KCNMA1: variants seen among roughly 807,000 people sequenced by gnomAD.
The protein encoded by KCNMA1 is potassium calcium-activated channel subfamily M alpha 1.
KCNMA1 carries 29 observed loss-of-function variants against 140.0 expected under a neutral mutation model. That is an observed-to-expected ratio of 0.21 (90% CI 0.15 to 0.28). The LOEUF is 0.28. Ranked by LOEUF, KCNMA1 falls within the 10% of genes least tolerant of loss-of-function variation. The pLI is 1.00. For synonymous variants in KCNMA1, 612 were observed against 611.9 expected (o/e 1.00, Z 0.00); for missense variants, 880 against 1,602.2 (o/e 0.55, Z 7.70).
intron 1 of KCNMA1, among the ~76,000 whole-genome samples, chr10:77,531,489 G>A (rs1041787854): frequency 6.6e-6 from 1 of 152,250 alleles, no homozygotes; most frequent in Non-Finnish European, 1.5e-5. Context: ...TCCAGGCAAC[G>A]CTGGGTTCAA....
chr10:77,017,782 G>T (rs183458924), intron 17 of KCNMA1, among the ~76,000 whole-genome samples: 133 of 152,286 alleles, frequency 8.7e-4, no homozygotes, highest in Non-Finnish European at 1.4e-3. Flanking sequence ...CTCACTAGCA[G>T]TATGGCTTTG....
chr10:77,629,430 C>T (rs1381224559), intron 1 of KCNMA1, among the ~76,000 whole-genome samples: 1 of 152,186 alleles, frequency 6.6e-6, no homozygotes, highest in Non-Finnish European at 1.5e-5. Flanking sequence ...AAGCCCATCT[C>T]TTTCACCAGG....
intron 20 of KCNMA1, among the ~76,000 whole-genome samples, chr10:76,960,613 GTTTTGTTTTTTTTT>G (rs1391530232): frequency 3.2e-3 from 302 of 94,990 alleles, no homozygotes; most frequent in African/African-American, 0.011. Context: ...AGATATTATG[GTTTTGTTTTTTTTT>G]TTTTTTTTTT....
intron 5 of KCNMA1, among the ~76,000 whole-genome samples, chr10:77,141,676 C>T (rs961999738): frequency 1.3e-5 from 2 of 152,206 alleles, no homozygotes; most frequent in South Asian, 4.1e-4. Flanking sequence ...ATGAAAGTCT[C>T]CCTTCCCAGG....
At chr10:77,384,358 C>T (rs995963471) in intron 2 of KCNMA1, among the ~76,000 whole-genome samples, 4 of 152,180 alleles carry the variant, frequency 2.6e-5, no homozygotes, top group African/African-American at 9.7e-5. Context: ...TGAGGCAAGC[C>T]GTGGTTGCCA....
At chr10:77,139,542 T>C (rs554941255) in intron 5 of KCNMA1, among the ~76,000 whole-genome samples, 1 of 152,344 alleles carries the variant, frequency 6.6e-6, no homozygotes, top group Non-Finnish European at 1.5e-5. Flanking sequence ...ATTTGAGCTG[T>C]GCCTACCCAC....
chr10:77,345,871 G>A (rs1422381081), intron 2 of KCNMA1, among the ~76,000 whole-genome samples: 1 of 152,076 alleles, frequency 6.6e-6, no homozygotes, highest in Non-Finnish European at 1.5e-5. Flanking sequence ...AATGAATGAG[G>A]GATCCCCATT....
intron 25 of KCNMA1, chr10:76,902,234 C>T (rs979471234): frequency 6.6e-6 from 1 of 152,256 alleles, no homozygotes; most frequent in Admixed American, 6.5e-5. Flanking sequence ...AACCTCTCTA[C>T]AACTCACCTG....
At chr10:77,565,982 C>T (rs1194895463) in intron 1 of KCNMA1, among the ~76,000 whole-genome samples, 1 of 152,202 alleles carries the variant, frequency 6.6e-6, no homozygotes, top group Non-Finnish European at 1.5e-5. Flanking sequence ...AAGGCAGTTG[C>T]TGTGCCTCCA....
At chr10:77,522,363 CT>C (rs2053753006) in intron 1 of KCNMA1, among the ~76,000 whole-genome samples, 1 of 152,072 alleles carries the variant, frequency 6.6e-6, no homozygotes, top group Non-Finnish European at 1.5e-5. Flanking sequence ...CCTTATTTAA[CT>C]TTTTCAAAAA....
At chr10:76,972,965 A>G (rs553019513) in intron 19 of KCNMA1, 2 of 152,340 alleles carry the variant, frequency 1.3e-5, no homozygotes, top group East Asian at 3.9e-4. Context: ...AAGCTATAAA[A>G]TATAATTTTC....
intron 14 of KCNMA1, among the ~76,000 whole-genome samples, chr10:77,043,180 G>T (rs970201460): frequency 1.3e-5 from 2 of 152,036 alleles, no homozygotes; most frequent in Non-Finnish European, 2.9e-5. Context: ...CTACACACTA[G>T]ACCTAGTAGC....
chr10:77,232,091 T>C (rs1413647375), intron 3 of KCNMA1, among the ~76,000 whole-genome samples: 1 of 152,232 alleles, frequency 6.6e-6, no homozygotes, highest in African/African-American at 2.4e-5. Flanking sequence ...AAGGTACACA[T>C]ATGTTGTGGC....
chr10:77,591,717 A>G (rs1249150280), intron 1 of KCNMA1, among the ~76,000 whole-genome samples: 1 of 152,208 alleles, frequency 6.6e-6, no homozygotes, highest in African/African-American at 2.4e-5. Context: ...CTTCCCTGGG[A>G]ATGTGGTTGC....
intron 1 of KCNMA1, among the ~76,000 whole-genome samples, chr10:77,488,822 C>A (rs921718155): frequency 1.3e-5 from 2 of 152,346 alleles, no homozygotes; most frequent in Non-Finnish European, 2.9e-5. Flanking sequence ...GTTGCCACAA[C>A]TTCTCCAGAC....
intron 23 of KCNMA1, among the ~76,000 whole-genome samples, chr10:76,920,014 GTGTGTGTATATATATA>G (rs1466548163): frequency 8.1e-4 from 36 of 44,516 alleles, no homozygotes; most frequent in African/African-American, 3.8e-3. Context: ...GTGTGTGTGT[GTGTGTGTATATATATA>G]TATATATATA....
intron 1 of KCNMA1, among the ~76,000 whole-genome samples, chr10:77,524,886 A>G (rs1180554657): frequency 1.3e-5 from 2 of 152,136 alleles, no homozygotes; most frequent in Non-Finnish European, 2.9e-5. Flanking sequence ...CACTTCCTCT[A>G]AACACTGGGG....
At chr10:77,245,322 A>C (rs1159465264) in intron 3 of KCNMA1, among the ~76,000 whole-genome samples, 1 of 152,100 alleles carries the variant, frequency 6.6e-6, no homozygotes, top group African/African-American at 2.4e-5. Context: ...GGGTACACTA[A>C]AGGGGATAGT....
chr10:77,132,029 G>A (rs2097872721), intron 5 of KCNMA1, among the ~76,000 whole-genome samples: 2 of 150,522 alleles, frequency 1.3e-5, no homozygotes, highest in African/African-American at 2.4e-5. Flanking sequence ...AAACATTTGA[G>A]GAAAGGCAAC....
Sources: gnomAD v4.1 joint callset for allele counts (sites outside exome capture counted in the v4.1 genomes callset) on GRCh38, gnomAD v4.1.1 for gene constraint, MANE v1.5 for transcripts, NCBI Gene and HGNC (gene_info 2026-07-23, HGNC 2026-07-21) for gene names.